RIT2: variants seen among roughly 807,000 people sequenced by gnomAD.
The protein encoded by RIT2 is Ras like without CAAX 2.
RIT2 carries 24 observed loss-of-function variants against 23.7 expected under a neutral mutation model. The ratio of observed to expected loss-of-function variants is 1.01; its 90% CI spans 0.73 to 1.43. The LOEUF (loss-of-function observed/expected upper bound fraction) is 1.43. Ranked by LOEUF, RIT2 falls within the 40% of genes most tolerant of loss-of-function variation. The pLI is 0.00. For synonymous variants in RIT2, 107 were observed against 91.1 expected (o/e 1.17, Z -0.99); for missense variants, 236 against 266.9 (o/e 0.88, Z 0.81).
chr18:42,821,182 G>A (rs1445285371), intron 4 of RIT2, among the ~76,000 whole-genome samples: 1 of 152,004 alleles, frequency 6.6e-6, no homozygotes, highest in Admixed American at 6.6e-5. Context: ...TTATAGCAAT[G>A]AAAAACGGAC....
chr18:42,772,309 T>A (rs1913570062), intron 4 of RIT2, among the ~76,000 whole-genome samples: 1 of 152,142 alleles, frequency 6.6e-6, no homozygotes, highest in South Asian at 2.1e-4. Flanking sequence ...CTGTTCTCAA[T>A]GGCAATATTT....
intron 4 of RIT2, among the ~76,000 whole-genome samples, chr18:42,842,279 T>A (rs1252081311): frequency 6.6e-6 from 1 of 151,906 alleles, no homozygotes; most frequent in Non-Finnish European, 1.5e-5. Context: ...TATACATGGA[T>A]GTTATCAAAG....
chr18:42,778,608 C>T (rs1251231803), intron 4 of RIT2, among the ~76,000 whole-genome samples: 1 of 152,072 alleles, frequency 6.6e-6, no homozygotes, highest in African/African-American at 2.4e-5. Context: ...TTCACAGCAC[C>T]AGGTCCCCTG....
chr18:42,822,703 A>G (rs913109559), intron 4 of RIT2, among the ~76,000 whole-genome samples: 1 of 152,130 alleles, frequency 6.6e-6, no homozygotes, highest in African/African-American at 2.4e-5. Flanking sequence ...TATCAATAAT[A>G]TCTTTATTTT....
At chr18:42,906,114 T>G (rs1342834470) in intron 4 of RIT2, among the ~76,000 whole-genome samples, 1 of 150,296 alleles carries the variant, frequency 6.7e-6, no homozygotes, top group African/African-American at 2.4e-5. Flanking sequence ...ACATGAAAGT[T>G]TCTTTTTTCA....
At chr18:43,051,490 C>A (rs1428340307) in intron 1 of RIT2, among the ~76,000 whole-genome samples, 1 of 151,954 alleles carries the variant, frequency 6.6e-6, no homozygotes, top group African/African-American at 2.4e-5. Context: ...CAAAAAATTT[C>A]CATCCAGGAG....
In RIT2 at chr18:43,030,781, G is replaced by C. The variant is rs138351659; in HGVS notation, c.160+3030C>G. ...AATAGGTATCATGAATTATTCATGG[G>C]TTTCTGGTATGAGATGCTGGTGGAT... On this transcript the variant is annotated intron_variant, in intron 2 of 4. Transcript: ENST00000326695. 4.6e-5 allele frequency among the ~76,000 whole-genome samples: 7 copies of C among 152,144 alleles called. No homozygotes were observed. In the East Asian group the frequency reaches 1.4e-3, roughly 29 times the overall value.
At chr18:42,769,930 C>A (rs889661823) in intron 4 of RIT2, among the ~76,000 whole-genome samples, 5 of 151,472 alleles carry the variant, frequency 3.3e-5, no homozygotes, top group African/African-American at 9.7e-5. Context: ...AATGAGTGAA[C>A]CTTAGGAAAA....
intron 4 of RIT2, among the ~76,000 whole-genome samples, chr18:42,847,337 G>A (rs1906937673): frequency 6.6e-6 from 1 of 152,078 alleles, no homozygotes; most frequent in African/African-American, 2.4e-5. Flanking sequence ...TCTACTTAAT[G>A]CTCTTCCTGA....
intron 4 of RIT2, among the ~76,000 whole-genome samples, chr18:42,889,556 G>A (rs1479387182): frequency 6.6e-6 from 1 of 151,902 alleles, no homozygotes; most frequent in African/African-American, 2.4e-5. Context: ...TTAATTAACT[G>A]GGGTTTCTAA....
intron 4 of RIT2, among the ~76,000 whole-genome samples, chr18:42,765,980 A>ACGTCCTGCCATGATTCTGAAT (rs1913412491): frequency 6.6e-6 from 1 of 151,596 alleles, no homozygotes; most frequent in Non-Finnish European, 1.5e-5. Flanking sequence ...AGTGTCTTTC[A>ACGTCCTGCCATGATTCTGAAT]CCTCCTGCCA....
chr18:42,825,762 G>A (rs1906277387), intron 4 of RIT2, among the ~76,000 whole-genome samples: 1 of 151,646 alleles, frequency 6.6e-6, no homozygotes, highest in Non-Finnish European at 1.5e-5. Flanking sequence ...GTTTTAAATG[G>A]ATCAAAAAAA....
At chr18:43,010,845 A>G (rs1911334075) in intron 2 of RIT2, among the ~76,000 whole-genome samples, 1 of 151,840 alleles carries the variant, frequency 6.6e-6, no homozygotes, top group South Asian at 2.1e-4. Flanking sequence ...TCAACATTAC[A>G]TAATTTATTG....
intron 2 of RIT2, among the ~76,000 whole-genome samples, chr18:43,028,538 A>T (rs1003570444): frequency 2.0e-5 from 3 of 152,034 alleles, no homozygotes; most frequent in Admixed American, 2.0e-4. Flanking sequence ...TTATCTTTCT[A>T]TTGTACCACA....
chr18:42,961,266 A>T (rs936694411), intron 3 of RIT2, among the ~76,000 whole-genome samples: 1 of 152,208 alleles, frequency 6.6e-6, no homozygotes, highest in African/African-American at 2.4e-5. Flanking sequence ...TTGTCTTTTC[A>T]TCTCTGAGTT....
At chr18:42,855,950 T>C (rs150194957) in intron 4 of RIT2, among the ~76,000 whole-genome samples, 76 of 152,152 alleles carry the variant, frequency 5.0e-4, no homozygotes, top group African/African-American at 1.8e-3. Context: ...TTATTGAGAG[T>C]GATGTTGGGG....
At chr18:42,765,287 C>G (rs1004867934) in intron 4 of RIT2, among the ~76,000 whole-genome samples, 1 of 152,160 alleles carries the variant, frequency 6.6e-6, no homozygotes, top group African/African-American at 2.4e-5. Context: ...GCAAATGACT[C>G]AATTCATGGA....
At chr18:42,752,544 T>C (rs1913070790) in intron 4 of RIT2, among the ~76,000 whole-genome samples, 1 of 152,156 alleles carries the variant, frequency 6.6e-6, no homozygotes, top group Non-Finnish European at 1.5e-5. Context: ...CTATCTTCCA[T>C]TAAGCACCGC....
At chr18:43,071,969 T>TTTG (rs148927597) in intron 1 of RIT2, among the ~76,000 whole-genome samples, 77 of 151,454 alleles carry the variant, frequency 5.1e-4, no homozygotes, top group East Asian at 1.2e-3. Context: ...CCTCTAGTGT[T>TTTG]TTGTTGTTGT....
Sources: gnomAD v4.1 joint callset for allele counts (sites outside exome capture counted in the v4.1 genomes callset) on GRCh38, gnomAD v4.1.1 for gene constraint, MANE v1.5 for transcripts, NCBI Gene and HGNC (gene_info 2026-07-23, HGNC 2026-07-21) for gene names.